The following TMEM121B variants were observed in gnomAD, a reference collection of about 807,000 sequenced individuals.
TMEM121B encodes cat eye syndrome chromosome region, candidate 6.
A neutral mutation model predicts 25.1 loss-of-function variants in TMEM121B; 14 were observed. The observed-to-expected ratio is 0.56, with a 90% CI of 0.37 to 0.87. TMEM121B has a LOEUF of 0.87. Among genes scored for constraint, TMEM121B ranks in the 40% least tolerant of loss-of-function variants. TMEM121B has a pLI of 0.00. For missense variants in TMEM121B, 850 were observed against 854.6 expected (o/e 0.99, Z 0.07); for synonymous variants, 458 against 420.9 (o/e 1.09, Z -1.08).
rs1487987593 is a variant in TMEM121B, at chr22:17,119,642, G to C, written c.1486C>G (p.Leu496Val). The stretch of plus-strand genomic sequence containing the variant: ...AGGTTCTTGAGCATGAAGATGGAGA[G>C]GGGCTGCTGGTAGCTGACCACCAGG... ...CLLVVSYQQP[L>V]SIFMLKNLFF... The change falls in exon 1 of 1, where the codon CTC becomes GTC. Residue 496 changes from leucine to valine, a missense_variant. Transcript: ENST00000331437. 2 of 1,541,936 alleles carry C rather than the reference G, an allele frequency of 1.3e-6. No homozygotes were observed. The highest frequency in any genetic ancestry group is 1.7e-6 in the Non-Finnish European group (2 of 1,150,096).
In TMEM121B at chr22:17,120,922, C is replaced by G; in HGVS notation, c.206G>C (p.Ser69Thr). The change falls in exon 1 of 1, where the codon AGC becomes ACC. Residue 69 changes from serine (S) to threonine (T), a missense_variant. Coordinates refer to ENST00000331437, the MANE Select transcript of TMEM121B (RefSeq NM_031890.4). Reference protein sequence around the residue: ...GRRGGGGGSPSSSTGAEREDD... With the variant: ...GRRGGGGGSPTSSTGAEREDD... Reference sequence around the variant, plus strand: ...CTCGCGCTCGGCGCCCGTGCTGCTGCTCGGGGAGCCGCCGCCCCCGCCGCG... The same window carrying G: ...CTCGCGCTCGGCGCCCGTGCTGCTGGTCGGGGAGCCGCCGCCCCCGCCGCG... 7.1e-7 allele frequency: 1 copy of G among 1,405,884 alleles called. No individual in the cohort carries two copies. The highest frequency in any genetic ancestry group is 9.2e-7 in the Non-Finnish European group (1 of 1,081,668). 87.1% of individuals were successfully genotyped at this position (1,405,884 alleles called of 1,614,324 possible).
Position 17,121,097 on chromosome 22 carries a change from C to G in TMEM121B, c.31G>C (p.Val11Leu). The change falls in exon 1 of 1, where the codon GTC becomes CTC. Residue 11 changes from valine to leucine, a missense_variant. Physicochemically the swap from Val to Leu is conservative, Grantham distance 32. Transcript: ENST00000331437. Reference protein sequence around the residue: MRPALGHPRSVSSASGSFPPP... With the variant: MRPALGHPRSLSSASGSFPPP... The stretch of plus-strand genomic sequence containing the variant: ...GGGAAGGAACCGGACGCGGAGGAGA[C>G]CGAGCGAGGGTGGCCGAGCGCCGGG... 7.0e-7 allele frequency: 1 copy of G among 1,429,708 alleles called. No individual in the cohort carries two copies. The highest frequency in any genetic ancestry group is 9.2e-7 in the Non-Finnish European group (1 of 1,091,310). 88.6% of individuals were successfully genotyped at this position (1,429,708 alleles called of 1,614,324 possible).
rs1339215490 is a variant in TMEM121B at position 17,120,596 on chromosome 22, G to C, written c.532C>G (p.Pro178Ala). The change falls in exon 1 of 1, where the codon CCA (proline) becomes GCA (alanine). Residue 178 changes from proline to alanine, a missense_variant. Coordinates refer to ENST00000331437, the MANE Select transcript of TMEM121B (RefSeq NM_031890.4). ...CCPCCCCCGC[P>A]DRPGRRGRRR... ...CGACCTCTGCGGCCGGGGCGGTCTG[G>C]GCAGCCGCAGCAGCAGCAACACGGG... 7.2e-7 allele frequency: 1 copy of C among 1,393,344 alleles called. No homozygotes were observed. Among genetic ancestry groups the C allele is most frequent in the African/African-American group, 1.5e-5 (1 of 66,514 alleles). The allele number at this position is 1,393,344 out of a possible 1,614,324, so 86.3% of individuals were successfully genotyped here. A position where few individuals can be genotyped will look rare whatever the true frequency, so the allele number is the denominator to read the frequency against.
rs879914273 is a variant in TMEM121B at position 17,118,307 on chromosome 22, C to T, written c.*1084G>A. 1 of 152,240 alleles carries T rather than the reference C, an allele frequency of 6.6e-6. No individual in the cohort carries two copies. Among genetic ancestry groups the T allele is most frequent in the Non-Finnish European group, 1.5e-5 (1 of 68,060 alleles). The allele number at this position is 152,240 out of a possible 1,614,324, so 9.4% of individuals were successfully genotyped here. ...GACAGGTGGGGAATGGGGCTTCCTACTCCCTTGGGCCCATGGGAGGCCCAA... is the reference window on the plus strand; with the variant it reads ...GACAGGTGGGGAATGGGGCTTCCTATTCCCTTGGGCCCATGGGAGGCCCAA... On this transcript the variant is annotated 3_prime_UTR_variant, in exon 1 of 1. Transcript: ENST00000331437.
At position 17,120,851 on chromosome 22, in the gene TMEM121B, C is replaced by A; in HGVS notation, c.277G>T (p.Ala93Ser). The A allele has an allele frequency of 7.6e-7, 1 of 1,313,422 alleles. No homozygotes were observed. Among genetic ancestry groups the A allele is most frequent in the Admixed American group, 3.8e-5 (1 of 26,042 alleles). 81.4% of individuals were successfully genotyped at this position (1,313,422 alleles called of 1,614,324 possible). A position where few individuals can be genotyped will look rare whatever the true frequency, so the allele number is the denominator to read the frequency against. ...TGAGCCGGCGGCCCCAGGAGCGCGG[C>A]GTTGGGCACCAGCGGCTTGCTGACG... Reference protein sequence around the residue: ...LSVSKPLVPNAALLGPPAQVG... With the variant: ...LSVSKPLVPNSALLGPPAQVG... Residue 93 changes from alanine (A) to serine (S), a missense_variant, in exon 1 of 1, where the codon GCC (alanine) becomes TCC (serine). By Grantham distance (99) the Ala-to-Ser change is moderately conservative. Transcript: ENST00000331437.
At position 17,118,417 on chromosome 22, in the gene TMEM121B, A is replaced by G. The variant is rs2123824431; in HGVS notation, c.*974T>C. The stretch of plus-strand genomic sequence containing the variant: ...TCGGCACCAAACCACAGGAAGGATA[A>G]GAGTTCTAGGTGCAGAGGGAGGAAC... On this transcript the variant is annotated 3_prime_UTR_variant, in exon 1 of 1. Coordinates refer to ENST00000331437, the MANE Select transcript of TMEM121B (RefSeq NM_031890.4). The G allele has an allele frequency of 6.6e-6, 1 of 152,660 alleles. No homozygotes were observed. Among genetic ancestry groups the G allele is most frequent in the East Asian group, 1.9e-4 (1 of 5,186 alleles). The allele number at this position is 152,660 out of a possible 1,614,324, so 9.5% of individuals were successfully genotyped here.
Position 17,119,788 on chromosome 22 carries a change from T to C in TMEM121B, c.1340A>G (p.Asn447Ser). 2.5e-6 allele frequency: 4 copies of C among 1,581,490 alleles called. No individual in the cohort carries two copies. The highest frequency in any genetic ancestry group is 3.4e-6 in the Non-Finnish European group (4 of 1,172,056). The change falls in exon 1 of 1, where the codon AAC becomes AGC. Residue 447 changes from asparagine (N) to serine (S), a missense_variant. Transcript: ENST00000331437. ...GGATGCAGCCGCTGCGGCCGCGGCGTTGAGCTCGTAGAGCCAGAGCACCGG... is the reference window on the plus strand; with the variant it reads ...GGATGCAGCCGCTGCGGCCGCGGCGCTGAGCTCGTAGAGCCAGAGCACCGG... ...ASPVLWLYEL[N>S]AAAAAAASWG...
At position 17,118,268 on chromosome 22, in the gene TMEM121B, C is replaced by T. The variant is rs1217065169; in HGVS notation, c.*1123G>A. On this transcript the variant is annotated 3_prime_UTR_variant, in exon 1 of 1. Coordinates refer to ENST00000331437, the MANE Select transcript of TMEM121B (RefSeq NM_031890.4). ...TCACCACCTCACTTTCTGATCTACACTTCCTAGAGGAAGGACAGGTGGGGA... is the reference window on the plus strand; with the variant it reads ...TCACCACCTCACTTTCTGATCTACATTTCCTAGAGGAAGGACAGGTGGGGA... 6.6e-6 allele frequency: 1 copy of T among 152,232 alleles called. No individual in the cohort carries two copies. Among genetic ancestry groups the T allele is most frequent in the African/African-American group, 2.4e-5 (1 of 41,452 alleles). 9.4% of individuals were successfully genotyped at this position (152,232 alleles called of 1,614,324 possible).
Position 17,117,537 on chromosome 22 carries a change from T to A in TMEM121B, c.*1854A>T, listed in dbSNP as rs532427550. 2 of 152,286 alleles carry A rather than the reference T, an allele frequency of 1.3e-5. No individual in the cohort carries two copies. Among genetic ancestry groups the A allele is most frequent in the African/African-American group, 4.8e-5 (2 of 41,452 alleles). 9.4% of individuals were successfully genotyped at this position (152,286 alleles called of 1,614,324 possible). On this transcript the variant is annotated 3_prime_UTR_variant, in exon 1 of 1. Transcript: ENST00000331437. Reference sequence around the variant, plus strand: ...GGGTGCTGAGTTAACGGCCAGTGACTTGGCACTTCTGACCCTCCCTGTGCA... The same window carrying A: ...GGGTGCTGAGTTAACGGCCAGTGACATGGCACTTCTGACCCTCCCTGTGCA...
rs1280917411 is a variant in TMEM121B, at chr22:17,116,897, G to C, written c.*2494C>G. ...CCTGATATCTGCCAGAATTGGCCAAGTTGCCATCAGCTTCTTGACATATCC... is the reference window on the plus strand; with the variant it reads ...CCTGATATCTGCCAGAATTGGCCAACTTGCCATCAGCTTCTTGACATATCC... On this transcript the variant is annotated 3_prime_UTR_variant, in exon 1 of 1. Coordinates refer to ENST00000331437, the MANE Select transcript of TMEM121B (RefSeq NM_031890.4). 1 of 152,474 alleles carries C rather than the reference G, an allele frequency of 6.6e-6. No homozygotes were observed. 9.4% of individuals were successfully genotyped at this position (152,474 alleles called of 1,614,324 possible).
chr22:17,121,023 GC>G lies in TMEM121B; in HGVS notation c.104del (p.Gly35AlafsTer98). ...CGGAGCCTCTCCGGCCGCGGAAGGA[GC>G]CCCCGCGGAGGAAGAGGGGCTGCAG... The part of the protein sequence containing the change: ...ARLQPLFLRG[G>X]SFRGRRGSGD... On this transcript the variant is annotated frameshift_variant, in exon 1 of 1. Coordinates refer to ENST00000331437, the MANE Select transcript of TMEM121B (RefSeq NM_031890.4). LOFTEE classifies it high-confidence loss of function. 4.1e-6 allele frequency: 6 copies of G among 1,469,342 alleles called. No homozygotes were observed. The highest frequency in any genetic ancestry group is 1.5e-5 in the African/African-American group (1 of 68,384). The allele number at this position is 1,469,342 out of a possible 1,614,324, so 91.0% of individuals were successfully genotyped here.
rs944993357 is a variant in TMEM121B at position 17,118,934 on chromosome 22, A to G, written c.*457T>C. On this transcript the variant is annotated 3_prime_UTR_variant, in exon 1 of 1. Coordinates refer to ENST00000331437, the MANE Select transcript of TMEM121B (RefSeq NM_031890.4). ...ACACAGAGACATACACTTTGTATCT[A>G]TCACCTGGAAGAAATCCAAGAGACA... 5.6e-6 allele frequency: 1 copy of G among 177,970 alleles called. No homozygotes were observed. Among genetic ancestry groups the G allele is most frequent in the Admixed American group, 6.3e-5 (1 of 15,828 alleles). The allele number at this position is 177,970 out of a possible 1,614,324, so 11.0% of individuals were successfully genotyped here.
rs1276689938 is a variant in TMEM121B, at chr22:17,117,865, CAATGAGTGACAG to C, written c.*1514_*1525del. ...GAAATAAAAATATGTCACTCAAAGCCAATGAGTGACAGAATCAGAACTAGAATCCACATCTTC... is the reference window on the plus strand; with the variant it reads ...GAAATAAAAATATGTCACTCAAAGCCAATCAGAACTAGAATCCACATCTTC... On this transcript the variant is annotated 3_prime_UTR_variant, in exon 1 of 1. Coordinates refer to ENST00000331437, the MANE Select transcript of TMEM121B (RefSeq NM_031890.4). 1 of 152,152 alleles carries C rather than the reference CAATGAGTGACAG, an allele frequency of 6.6e-6. No individual in the cohort carries two copies. The highest frequency in any genetic ancestry group is 1.5e-5 in the Non-Finnish European group (1 of 68,026). The allele number at this position is 152,152 out of a possible 1,614,324, so 9.4% of individuals were successfully genotyped here.
In TMEM121B at chr22:17,118,983, G is replaced by C. The variant is rs1422508748; in HGVS notation, c.*408C>G. Reference sequence around the variant, plus strand: ...CACATCAGTGGAAAGTGGGTTCTGGGTCAATTTCAAGGCATGGGACAATGG... The same window carrying C: ...CACATCAGTGGAAAGTGGGTTCTGGCTCAATTTCAAGGCATGGGACAATGG... On this transcript the variant is annotated 3_prime_UTR_variant, in exon 1 of 1. Coordinates refer to ENST00000331437, the MANE Select transcript of TMEM121B (RefSeq NM_031890.4). 2 of 195,130 alleles carry C rather than the reference G, an allele frequency of 1.0e-5. No homozygotes were observed. Among genetic ancestry groups the C allele is most frequent in the Non-Finnish European group, 2.1e-5 (2 of 96,880 alleles). 12.1% of individuals were successfully genotyped at this position (195,130 alleles called of 1,614,324 possible).
chr22:17,118,324 G>A lies in TMEM121B; in HGVS notation c.*1067C>T, dbSNP rs1454375273. ...GCTTCCTACTCCCTTGGGCCCATGG[G>A]AGGCCCAACTTCACATCCATCCAGG... On this transcript the variant is annotated 3_prime_UTR_variant, in exon 1 of 1. Coordinates refer to ENST00000331437, the MANE Select transcript of TMEM121B (RefSeq NM_031890.4). 6.6e-6 allele frequency: 1 copy of A among 152,254 alleles called. No homozygotes were observed. The highest frequency in any genetic ancestry group is 1.5e-5 in the Non-Finnish European group (1 of 68,092). The allele number at this position is 152,254 out of a possible 1,614,324, so 9.4% of individuals were successfully genotyped here. A position where few individuals can be genotyped will look rare whatever the true frequency, so the allele number is the denominator to read the frequency against.
At position 17,120,063 on chromosome 22, in the gene TMEM121B, G is replaced by A. The variant is rs1555876122; in HGVS notation, c.1065C>T (p.Thr355=). ...APFGTTGFRL[T]MALSVPLLYS... ...AGAGCAGGGGCACCGACAGCGCCAT[G>A]GTGAGACGGAAGCCCGTGGTGCCGA... The change falls in exon 1 of 1, where the codon ACC becomes ACT. Residue 355 remains threonine, a synonymous_variant. Transcript: ENST00000331437. The A allele has an allele frequency of 1.2e-6, 2 of 1,610,908 alleles. No individual in the cohort carries two copies. The highest frequency in any genetic ancestry group is 1.7e-6 in the Non-Finnish European group (2 of 1,179,564).
chr22:17,119,175 AGAG>A lies in TMEM121B; in HGVS notation c.*213_*215del, dbSNP rs1402512772. 5 of 593,346 alleles carry A rather than the reference AGAG, an allele frequency of 8.4e-6. No individual in the cohort carries two copies. In the Admixed American group the frequency reaches 1.8e-4, roughly 22 times the overall value. 36.8% of individuals were successfully genotyped at this position (593,346 alleles called of 1,614,324 possible). ...CAGGATTGGGGTAGGATAGGAGAAG[AGAG>A]GAGAGGGTAAGTGCACCTACCTCCC... is the stretch of plus-strand genomic sequence containing the variant. On this transcript the variant is annotated 3_prime_UTR_variant, in exon 1 of 1. Transcript: ENST00000331437.
In TMEM121B at chr22:17,119,944, C is replaced by G. The variant is rs750492093; in HGVS notation, c.1184G>C (p.Cys395Ser). 3 of 1,572,714 alleles carry G rather than the reference C, an allele frequency of 1.9e-6. No homozygotes were observed. In the South Asian group the frequency reaches 3.4e-5, roughly 18 times the overall value. Residue 395 changes from cysteine to serine, a missense_variant, in exon 1 of 1, where the codon TGC becomes TCC. By Grantham distance (112) the Cys-to-Ser change is moderately radical. Coordinates refer to ENST00000331437, the MANE Select transcript of TMEM121B (RefSeq NM_031890.4). ...LQPQRHRAAGCFLGTCLDLLD... is the reference protein window; with the variant it reads ...LQPQRHRAAGSFLGTCLDLLD... ...CAGGTCCAAGCACGTGCCCAGGAAG[C>G]ATCCGGCCGCGCGGTGCCGCTGGGG... is the stretch of plus-strand genomic sequence containing the variant.
Position 17,121,141 on chromosome 22 carries a change from G to A in TMEM121B, c.-14C>T, listed in dbSNP as rs1048642281. 1.2e-5 allele frequency: 15 copies of A among 1,304,276 alleles called. No individual in the cohort carries two copies. The African/African-American group carries it at 1.7e-4, about 15-fold the overall frequency. 80.8% of individuals were successfully genotyped at this position (1,304,276 alleles called of 1,614,324 possible). A position where few individuals can be genotyped will look rare whatever the true frequency, so the allele number is the denominator to read the frequency against. Reference sequence around the variant, plus strand: ...CGCCGGGCGCATTGTCCTCCGAGGGGCTCTGGGGCCGCCCAGCTGTTCCCT... The same window carrying A: ...CGCCGGGCGCATTGTCCTCCGAGGGACTCTGGGGCCGCCCAGCTGTTCCCT... On this transcript the variant is annotated 5_prime_UTR_variant, in exon 1 of 1. Transcript: ENST00000331437.
Sources: allele counts gnomAD v4.1 joint callset, GRCh38; gene constraint gnomAD v4.1.1; transcripts MANE v1.5; gene names NCBI Gene and HGNC (gene_info 2026-07-23, HGNC 2026-07-21).